Variants in PDE1C observed in about 807,000 individuals in gnomAD.
PDE1C encodes the protein phosphodiesterase 1C.
A neutral mutation model predicts 93.1 loss-of-function variants in PDE1C; 62 were observed. The ratio of observed to expected loss-of-function variants is 0.67; its 90% CI spans 0.54 to 0.82. PDE1C has a LOEUF of 0.82. Among genes scored for constraint, PDE1C ranks in the 40% least tolerant of loss-of-function variants. The pLI is 0.00. For missense variants in PDE1C, 742 were observed against 884.6 expected (o/e 0.84, Z 2.04); for synonymous variants, 325 against 310.1 (o/e 1.05, Z -0.50).
chr7:32,064,861 T>C (rs1243556189), intron 1 of PDE1C, among the ~76,000 whole-genome samples: 2 of 152,122 alleles, frequency 1.3e-5, no homozygotes, highest in Non-Finnish European at 2.9e-5. Flanking sequence ...AGCCTCTGCC[T>C]TCCTTTCCAG....
intron 16 of PDE1C, among the ~76,000 whole-genome samples, chr7:31,808,808 A>G (rs1402033568): frequency 6.6e-6 from 1 of 152,004 alleles, no homozygotes; most frequent in African/African-American, 2.4e-5. Context: ...AAGGGTATAG[A>G]AAACATTTGT....
At chr7:32,204,492 T>C (rs1805270932) in intron 2 of PDE1C, among the ~76,000 whole-genome samples, 1 of 152,188 alleles carries the variant, frequency 6.6e-6, no homozygotes, top group South Asian at 2.1e-4. Flanking sequence ...GCTCCTCCAA[T>C]GCCCTGGACT....
At chr7:31,917,724 C>T (rs1169854101) in intron 2 of PDE1C, among the ~76,000 whole-genome samples, 1 of 152,130 alleles carries the variant, frequency 6.6e-6, no homozygotes, top group Non-Finnish European at 1.5e-5. Context: ...GCTATTGGTC[C>T]ATGCTTCATA....
At chr7:32,281,207 G>C (rs1811608074) in intron 1 of PDE1C, among the ~76,000 whole-genome samples, 1 of 151,988 alleles carries the variant, frequency 6.6e-6, no homozygotes, top group Admixed American at 6.5e-5. Flanking sequence ...AGAAAATATT[G>C]ATGCATATTT....
chr7:31,732,935 T>G, the PDE1C span, among the ~76,000 whole-genome samples: 1 of 152,246 alleles, frequency 6.6e-6, no homozygotes, highest in Middle Eastern at 3.4e-3. Flanking sequence ...GATTGGAAGG[T>G]GGTGCTATCA....
Position 31,811,746 on chromosome 7 carries a change from G to C in PDE1C, c.1814-2638C>G, listed in dbSNP as rs114108596. ...GTGGAGATGGTTCCCTTTGCTGGTT[G>C]CTAACCAGCAGCCCATGATGGTTCC... On this transcript the variant is annotated intron_variant, in intron 15 of 17. Coordinates refer to ENST00000396191, the MANE Select transcript of PDE1C (RefSeq NM_001191057.4). Among the ~76,000 whole-genome samples the C allele has an allele frequency of 6.3e-3, 964 of 152,184 alleles. 14 individuals carry two copies. The highest frequency in any genetic ancestry group is 0.022 in the African/African-American group (925 of 41,544).
At chr7:31,834,282 C>G (rs1015471371) in intron 11 of PDE1C, among the ~76,000 whole-genome samples, 1 of 152,202 alleles carries the variant, frequency 6.6e-6, no homozygotes, top group Non-Finnish European at 1.5e-5. Flanking sequence ...TTGAAACCCC[C>G]ACACAGAGTC....
intron 3 of PDE1C, among the ~76,000 whole-genome samples, chr7:32,109,375 C>CTT (rs1463612292): frequency 1.3e-5 from 2 of 152,144 alleles, no homozygotes; most frequent in African/African-American, 4.8e-5. Flanking sequence ...AAAATAGAAT[C>CTT]TATTTTTGAT....
intron 2 of PDE1C, chr7:31,893,480 T>G: frequency 1.0e-6 from 1 of 984,864 alleles, no homozygotes; most frequent in Non-Finnish European, 1.2e-6. Flanking sequence ...GACTTACTTA[T>G]GCAGTCCCAT....
At chr7:32,112,924 G>A (rs908768112) in intron 3 of PDE1C, among the ~76,000 whole-genome samples, 4 of 147,284 alleles carry the variant, frequency 2.7e-5, no homozygotes, top group Admixed American at 1.4e-4. Context: ...ACTTTGATCA[G>A]AGGCAGTAAA....
At chr7:31,720,171 A>AAG in the PDE1C span, among the ~76,000 whole-genome samples, 1 of 64,344 alleles carries the variant, frequency 1.6e-5, no homozygotes. Context: ...CTCCGTCTCA[A>AAG]AAAAAAAAAA....
chr7:31,971,468 G>C (rs929732352), intron 2 of PDE1C, among the ~76,000 whole-genome samples: 1 of 152,120 alleles, frequency 6.6e-6, no homozygotes, highest in Non-Finnish European at 1.5e-5. Flanking sequence ...AGTCTCTGAC[G>C]ATCACGCTAG....
the PDE1C span, among the ~76,000 whole-genome samples, chr7:31,648,939 G>A: frequency 4.7e-3 from 721 of 152,306 alleles, 3 homozygotes; most frequent in Non-Finnish European, 6.7e-3. Context: ...GTCAGAACAC[G>A]TATCTATAAC....
At position 31,777,803 on chromosome 7, in the gene PDE1C, T is replaced by C. The variant is rs539836544; in HGVS notation, c.1892-2071A>G. Among the ~76,000 whole-genome samples the C allele has an allele frequency of 2.6e-5, 4 of 152,252 alleles. No individual in the cohort carries two copies. In the South Asian group the frequency reaches 8.3e-4, roughly 32 times the overall value. On this transcript the variant is annotated intron_variant, in intron 16 of 17. Coordinates refer to ENST00000396191, the MANE Select transcript of PDE1C (RefSeq NM_001191057.4). ...AATAGCTCAGACCTACAAAAACTGT[T>C]AATTTGTATGAAGTGAAGGGAACTG...
In PDE1C at chr7:31,887,845, AG is replaced by A. The variant is rs549724254; in HGVS notation, c.129-6986del. On this transcript the variant is annotated intron_variant, in intron 2 of 17. Transcript: ENST00000396191. ...TTCAAGTGTATGGAAATTTAGAAATAGATTTCTAAATAACCCATAGGTCAAA... is the reference window on the plus strand; with the variant it reads ...TTCAAGTGTATGGAAATTTAGAAATAATTTCTAAATAACCCATAGGTCAAA... 2.2e-4 allele frequency among the ~76,000 whole-genome samples: 34 copies of A among 152,370 alleles called. 1 individual carries two copies. The South Asian group carries it at 6.4e-3, about 29-fold the overall frequency.
At chr7:32,147,994 A>AAAAAAAAAAAAAAAAAAAAAAAAAAC (rs1801008465) in intron 3 of PDE1C, among the ~76,000 whole-genome samples, 1 of 150,526 alleles carries the variant, frequency 6.6e-6, no homozygotes, top group African/African-American at 2.4e-5. Flanking sequence ...TAAAAAAAAA[A>AAAAAAAAAAAAAAAAAAAAAAAAAAC]AAAAAAAAAA....
intron 3 of PDE1C, among the ~76,000 whole-genome samples, chr7:32,105,613 A>G (rs1798259624): frequency 6.6e-6 from 1 of 151,874 alleles, no homozygotes; most frequent in South Asian, 2.1e-4. Context: ...TCCAGCTTCC[A>G]TTCAGCCTGG....
intron 2 of PDE1C, among the ~76,000 whole-genome samples, chr7:32,028,358 A>G (rs1358186124): frequency 1.3e-5 from 2 of 152,084 alleles, no homozygotes; most frequent in Admixed American, 1.3e-4. Flanking sequence ...AAGTCTCTTC[A>G]TATGCTTCAT....
chr7:31,969,981 G>A (rs574341360), intron 2 of PDE1C, among the ~76,000 whole-genome samples: 1 of 152,192 alleles, frequency 6.6e-6, no homozygotes, highest in African/African-American at 2.4e-5. Context: ...ATCAGATTCT[G>A]GGGACTGTTG....
Sources: allele counts gnomAD v4.1 joint callset (sites outside exome capture counted in the v4.1 genomes callset), GRCh38; gene constraint gnomAD v4.1.1; transcripts MANE v1.5; gene names NCBI Gene and HGNC (gene_info 2026-07-23, HGNC 2026-07-21).